The following TMEM63C variants were observed in gnomAD, a reference collection of about 807,000 sequenced individuals.
TMEM63C encodes the protein osmosensitive cation channel TMEM63C.
TMEM63C carries 32 observed loss-of-function variants against 99.2 expected under a neutral mutation model. That is an observed-to-expected ratio of 0.32 (90% CI 0.24 to 0.43). TMEM63C has a LOEUF of 0.43. TMEM63C is among the 20% of genes least tolerant of loss of function. TMEM63C has a pLI of 1.00. For synonymous variants in TMEM63C, 376 were observed against 397.9 expected (o/e 0.94, Z 0.66); for missense variants, 826 against 1,053.0 (o/e 0.78, Z 2.98).
chr14:77,214,619 C>T (rs894541464), intron 2 of TMEM63C, among the ~76,000 whole-genome samples: 2 of 151,882 alleles, frequency 1.3e-5, no homozygotes, highest in Non-Finnish European at 2.9e-5. Context: ...TGCTGCCCAT[C>T]GTTGTTAGTC....
At chr14:77,190,184 A>C (rs965228088) in intron 1 of TMEM63C, among the ~76,000 whole-genome samples, 8 of 152,084 alleles carry the variant, frequency 5.3e-5, no homozygotes, top group Admixed American at 3.3e-4. Flanking sequence ...AACTAGCTGA[A>C]ACTGATGATT....
intron 22 of TMEM63C, among the ~76,000 whole-genome samples, chr14:77,252,994 C>G (rs985409323): frequency 1.2e-4 from 18 of 152,230 alleles, no homozygotes; most frequent in African/African-American, 4.3e-4. Flanking sequence ...GGAGGAAAGA[C>G]GACAGTGCTG....
At chr14:77,216,619 C>T (rs1182188289) in intron 2 of TMEM63C, among the ~76,000 whole-genome samples, 1 of 152,220 alleles carries the variant, frequency 6.6e-6, no homozygotes, top group Non-Finnish European at 1.5e-5. Flanking sequence ...ATAACAGCAA[C>T]TCTATCTTCC....
chr14:77,212,439 A>G (rs1003687644), intron 1 of TMEM63C: 1 of 152,282 alleles, frequency 6.6e-6, no homozygotes, highest in African/African-American at 2.4e-5. Context: ...TGCCCCCGCT[A>G]CGCCCTGCTG....
At position 77,242,973 on chromosome 14, in the gene TMEM63C, C is replaced by A; in HGVS notation, c.1258C>A (p.Leu420Ile). Residue 420 changes from leucine to isoleucine, a missense_variant, in exon 15 of 24, where the codon CTC becomes ATC. Physicochemically the swap from Leu to Ile is conservative, Grantham distance 5. Coordinates refer to ENST00000298351, the MANE Select transcript of TMEM63C (RefSeq NM_020431.4). Reference protein sequence around the residue: ...FIAINTFLFFLFFFLTTPAII... With the variant: ...FIAINTFLFFIFFFLTTPAII... ...CGCAATCAACACCTTCCTCTTCTTC[C>A]TCTTCTTCTTTCTCACCACGCCTGC... is the stretch of plus-strand genomic sequence containing the variant. 6.2e-7 allele frequency: 1 copy of A among 1,614,048 alleles called. No homozygotes were observed. Among genetic ancestry groups the A allele is most frequent in the Non-Finnish European group, 8.5e-7 (1 of 1,179,900 alleles).
chr14:77,221,431 TC>T (rs1254555515), intron 5 of TMEM63C, among the ~76,000 whole-genome samples: 2 of 12,742 alleles, frequency 1.6e-4, no homozygotes, highest in Non-Finnish European at 2.5e-4. Context: ...ACGCCTCCCC[TC>T]CCCACTCACC....
At chr14:77,200,310 T>C (rs1888278886) in intron 1 of TMEM63C, among the ~76,000 whole-genome samples, 2 of 152,206 alleles carry the variant, frequency 1.3e-5, no homozygotes, top group African/African-American at 4.8e-5. Flanking sequence ...GGAGCTAAGA[T>C]GTGGATCCAC....
chr14:77,201,676 T>C (rs1888302589), intron 1 of TMEM63C, among the ~76,000 whole-genome samples: 1 of 152,216 alleles, frequency 6.6e-6, no homozygotes, highest in African/African-American at 2.4e-5. Context: ...TAACAAGCCC[T>C]GCTGCTGATT....
At chr14:77,226,474 A>G (rs1888828886) in intron 6 of TMEM63C, among the ~76,000 whole-genome samples, 1 of 152,230 alleles carries the variant, frequency 6.6e-6, no homozygotes, top group Admixed American at 6.5e-5. Context: ...CCTTCGTAGC[A>G]TTCAGAATGG....
intron 10 of TMEM63C, 131 bp downstream of exon 10, chr14:77,238,898 A>G (rs985024708): frequency 4.4e-6 from 3 of 684,884 alleles, no homozygotes; most frequent in South Asian, 3.6e-5. Flanking sequence ...CCCTGGACTC[A>G]GCTCAGGATC....
chr14:77,196,605 C>T (rs372744238), intron 1 of TMEM63C, among the ~76,000 whole-genome samples: 2 of 152,168 alleles, frequency 1.3e-5, no homozygotes, highest in Non-Finnish European at 2.9e-5. Context: ...GCCTAGAATC[C>T]GGCCAGATGT....
rs1381560924 is a variant in TMEM63C, at chr14:77,248,558, G to C, written c.1764+49G>C. The stretch of plus-strand genomic sequence containing the variant: ...CACAGCCCTCAGTTTCCTTTGGGAG[G>C]GTGTCAGGGATAGAGCCTGCTAGAA... On this transcript the variant is annotated intron_variant, in intron 19 of 23. Transcript: ENST00000298351. The C allele has an allele frequency of 2.6e-6, 4 of 1,555,740 alleles. No individual in the cohort carries two copies. The East Asian group carries it at 9.6e-5, about 37-fold the overall frequency.
At chr14:77,236,536 AG>A (rs1473692406) in intron 8 of TMEM63C, 87 bp from the exon 9 acceptor site, 4 of 909,596 alleles carry the variant, frequency 4.4e-6, no homozygotes, top group Non-Finnish European at 7.1e-6. Flanking sequence ...CAGGAGACTG[AG>A]GGTAGGAGGA....
intron 5 of TMEM63C, among the ~76,000 whole-genome samples, chr14:77,221,868 A>G (rs1390280469): frequency 6.6e-6 from 1 of 151,718 alleles, no homozygotes; most frequent in Non-Finnish European, 1.5e-5. Context: ...TCTCTTGCAC[A>G]GGTGCTCTCC....
At chr14:77,238,525 A>G (rs1053397039) in intron 9 of TMEM63C, among the ~76,000 whole-genome samples, 169 bp from the exon 10 acceptor site, 12 of 152,188 alleles carry the variant, frequency 7.9e-5, no homozygotes, top group African/African-American at 2.9e-4. Context: ...TCCTTGGCCC[A>G]CAGTGTCCCA....
At chr14:77,249,680 G>C (rs1180421804) in intron 21 of TMEM63C, among the ~76,000 whole-genome samples, 1 of 152,208 alleles carries the variant, frequency 6.6e-6, no homozygotes. Context: ...TGGTCCCCAG[G>C]TGTGGATTTG....
At chr14:77,215,614 A>AAAGAAAAGAAAAG (rs1555347252) in intron 2 of TMEM63C, among the ~76,000 whole-genome samples, 1 of 76,550 alleles carries the variant, frequency 1.3e-5, no homozygotes, top group African/African-American at 5.6e-5. Context: ...AAAAAAAAAA[A>AAAGAAAAGAAAAG]AAAAGAAAAG....
rs749149455 is a variant in TMEM63C, at chr14:77,256,774, G to C, written c.*48G>C. On this transcript the variant is annotated 3_prime_UTR_variant, in exon 24 of 24. Transcript: ENST00000298351. Reference sequence around the variant, plus strand: ...GCGACTTGTTGAGGGGTCAGGGGAGGGCCTGGCAAGGGGAGGCAGGAGGGT... The same window carrying C: ...GCGACTTGTTGAGGGGTCAGGGGAGCGCCTGGCAAGGGGAGGCAGGAGGGT... 6.3e-7 allele frequency: 1 copy of C among 1,581,068 alleles called. No homozygotes were observed.
In TMEM63C at chr14:77,241,813, G is replaced by A. The variant is rs534861498; in HGVS notation, c.1065-534G>A. Among the ~76,000 whole-genome samples the A allele has an allele frequency of 8.5e-5, 13 of 152,272 alleles. No homozygotes were observed. In the East Asian group the frequency reaches 2.1e-3, roughly 25 times the overall value. On this transcript the variant is annotated intron_variant, in intron 13 of 23. Coordinates refer to ENST00000298351, the MANE Select transcript of TMEM63C (RefSeq NM_020431.4). ...CATTGCCATTTGGTAGAGAGGATCC[G>A]GGGCTTAATTACAGCAGAATATGAG...
Sources: allele counts gnomAD v4.1 joint callset (sites outside exome capture counted in the v4.1 genomes callset), GRCh38; gene constraint gnomAD v4.1.1; transcripts MANE v1.5; gene names NCBI Gene and HGNC (gene_info 2026-07-23, HGNC 2026-07-21).